Variants in TTC28 observed in about 807,000 individuals in gnomAD.
TTC28 encodes tetratricopeptide repeat domain 28.
TTC28 carries 61 observed loss-of-function variants against 198.0 expected under a neutral mutation model. That is an observed-to-expected ratio of 0.31 (90% CI 0.25 to 0.38). The LOEUF (loss-of-function observed/expected upper bound fraction) is 0.38, where lower values mean the gene tolerates loss of function less well. Among genes scored for constraint, TTC28 ranks in the 10% least tolerant of loss-of-function variants. The pLI is 1.00. For missense variants in TTC28, 2,678 were observed against 3,164.0 expected, an observed-to-expected ratio of 0.85 and a Z score of 3.69; for synonymous variants, 1,171 against 1,297.8, an observed-to-expected ratio of 0.90 and a Z score of 2.10.
intron 1 of TTC28, among the ~76,000 whole-genome samples, chr22:28,645,751 A>G (rs941607111): frequency 6.6e-6 from 1 of 152,074 alleles, no homozygotes; most frequent in African/African-American, 2.4e-5. Context: ...AAAAACAAAA[A>G]CCATATGATC....
intron 12 of TTC28, among the ~76,000 whole-genome samples, chr22:28,037,815 G>C (rs372649825): frequency 1.3e-4 from 20 of 152,150 alleles, no homozygotes; most frequent in Admixed American, 7.2e-4. Flanking sequence ...GCAACTTCAG[G>C]AAAGTCTCAG....
At chr22:28,350,777 G>A (rs899486776) in intron 2 of TTC28, among the ~76,000 whole-genome samples, 1 of 152,190 alleles carries the variant, frequency 6.6e-6, no homozygotes, top group Admixed American at 6.5e-5. Context: ...AGATATTTAG[G>A]AGACCCCCTT....
intron 6 of TTC28, among the ~76,000 whole-genome samples, chr22:28,127,334 T>A (rs1942942214): frequency 6.6e-6 from 1 of 152,188 alleles, no homozygotes; most frequent in Admixed American, 6.5e-5. Context: ...GTGTAAGGCA[T>A]GATTTCACTG....
At chr22:28,352,312 CAT>C (rs35793503) in intron 2 of TTC28, among the ~76,000 whole-genome samples, 53,056 of 142,444 alleles carry the variant, frequency 0.37, 9,824 homozygotes, top group Admixed American at 0.46. Flanking sequence ...GAGATATATA[CAT>C]ATATATATAT....
intron 1 of TTC28, among the ~76,000 whole-genome samples, chr22:28,661,227 T>A (rs1601675506): frequency 6.6e-6 from 1 of 151,998 alleles, no homozygotes; most frequent in African/African-American, 2.4e-5. Context: ...GAGGTTGCGG[T>A]GAGTCGAGAT....
chr22:28,354,313 G>A (rs564621498), intron 2 of TTC28, among the ~76,000 whole-genome samples: 11 of 151,964 alleles, frequency 7.2e-5, no homozygotes, highest in Admixed American at 2.0e-4. Context: ...AATACAATGT[G>A]GTATGTACAT....
At chr22:28,302,429 G>A (rs562289202) in intron 3 of TTC28, among the ~76,000 whole-genome samples, 3 of 152,078 alleles carry the variant, frequency 2.0e-5, no homozygotes, top group East Asian at 1.9e-4. Flanking sequence ...TCCACTCCTC[G>A]GTGAGAAGAA....
chr22:28,356,367 G>A (rs1055127777), intron 2 of TTC28, among the ~76,000 whole-genome samples: 1 of 152,036 alleles, frequency 6.6e-6, no homozygotes, highest in East Asian at 1.9e-4. Flanking sequence ...ATAGTCCATG[G>A]GGTTCCTGAG....
At chr22:28,285,581 C>T (rs2044669018) in intron 5 of TTC28, among the ~76,000 whole-genome samples, 1 of 152,174 alleles carries the variant, frequency 6.6e-6, no homozygotes, top group African/African-American at 2.4e-5. Context: ...CCAACTCATA[C>T]AAACGATAAC....
At chr22:28,375,080 T>A (rs111870970) in intron 2 of TTC28, among the ~76,000 whole-genome samples, 3 of 151,190 alleles carry the variant, frequency 2.0e-5, no homozygotes, top group African/African-American at 7.3e-5. Context: ...AGAACAAGAC[T>A]CAAGACTCTA....
chr22:28,054,199 T>A (rs1375908350), intron 12 of TTC28, among the ~76,000 whole-genome samples: 1 of 152,146 alleles, frequency 6.6e-6, no homozygotes, highest in African/African-American at 2.4e-5. Flanking sequence ...AATGATGAAA[T>A]GGACCAAAGG....
intron 12 of TTC28, among the ~76,000 whole-genome samples, chr22:28,085,477 C>T (rs952855727): frequency 2.0e-5 from 3 of 152,056 alleles, no homozygotes; most frequent in African/African-American, 7.2e-5. Flanking sequence ...ATTTTGTCAC[C>T]ACCAGGCCTG....
rs998233013 is a variant in TTC28, at chr22:28,226,044, A to G, written c.934-62445T>C. 2.7e-4 allele frequency among the ~76,000 whole-genome samples: 41 copies of G among 152,216 alleles called. 1 individual carries two copies. The highest frequency in any genetic ancestry group is 1.5e-5 in the Non-Finnish European group (1 of 68,042). On this transcript the variant is annotated intron_variant, in intron 5 of 22. Coordinates refer to ENST00000397906, the MANE Select transcript of TTC28 (RefSeq NM_001145418.2). ...CACTTTGTTTATCCATTCACCTGCT[A>G]GTGGATATTTGGATTGTTTCCAGTT...
intron 2 of TTC28, among the ~76,000 whole-genome samples, chr22:28,363,723 G>C (rs2046196296): frequency 6.6e-6 from 1 of 152,232 alleles, no homozygotes; most frequent in African/African-American, 2.4e-5. Context: ...TCTTGCATCA[G>C]TGTGACCTGG....
rs1229801209 is a variant in TTC28, at chr22:28,371,509, C to CAAAA, written c.382-64870_382-64867dup. Among the ~76,000 whole-genome samples the CAAAA allele has an allele frequency of 3.8e-3, 23 of 6,104 alleles. 4 individuals carry two copies. Among genetic ancestry groups the CAAAA allele is most frequent in the Admixed American group, 9.3e-3 (2 of 216 alleles). 4.0% of individuals were successfully genotyped at this position (6,104 alleles called of 152,430 possible). ...TGGGCAACAGAGTGAGACCCTGTCT[C>CAAAA]AAAAAAAAAAAAAAAAAAAAGAGTT... On this transcript the variant is annotated intron_variant, in intron 2 of 22. Coordinates refer to ENST00000397906, the MANE Select transcript of TTC28 (RefSeq NM_001145418.2).
chr22:28,148,440 C>A (rs1943524610), intron 6 of TTC28, among the ~76,000 whole-genome samples: 1 of 152,004 alleles, frequency 6.6e-6, no homozygotes, highest in Admixed American at 6.6e-5. Flanking sequence ...GGTGAAACCC[C>A]ATCTCTACTA....
At chr22:28,149,412 C>T (rs919786294) in intron 6 of TTC28, among the ~76,000 whole-genome samples, 18 of 152,218 alleles carry the variant, frequency 1.2e-4, no homozygotes, top group South Asian at 4.2e-4. Context: ...CAACGAAATA[C>T]GAAACAGTTT....
intron 2 of TTC28, among the ~76,000 whole-genome samples, chr22:28,485,826 T>C (rs562228344): frequency 1.9e-4 from 29 of 152,254 alleles, no homozygotes; most frequent in Non-Finnish European, 3.2e-4. Flanking sequence ...GAAACTGCAT[T>C]TCTGGTTATA....
intron 2 of TTC28, among the ~76,000 whole-genome samples, chr22:28,390,998 T>C (rs1401239168): frequency 6.6e-6 from 1 of 152,242 alleles, no homozygotes; most frequent in East Asian, 1.9e-4. Flanking sequence ...CCTTTCCATG[T>C]TTAGCGCTTC....
Sources: allele counts gnomAD v4.1 joint callset (sites outside exome capture counted in the v4.1 genomes callset), GRCh38; gene constraint gnomAD v4.1.1; transcripts MANE v1.5; gene names NCBI Gene and HGNC (gene_info 2026-07-23, HGNC 2026-07-21).